The following RBPMS variants were observed in gnomAD, a reference collection of about 807,000 sequenced individuals.
RBPMS encodes RNA binding protein, mRNA processing factor, also known as RNA-binding protein with multiple splicing.
In RBPMS, 7 loss-of-function variants were observed where a neutral mutation model predicts 26.8. That is an observed-to-expected ratio of 0.26 (90% confidence interval 0.15 to 0.49). The LOEUF (loss-of-function observed/expected upper bound fraction) is 0.49, where lower values mean the gene tolerates loss of function less well. Among genes scored for constraint, RBPMS ranks in the 20% least tolerant of loss-of-function variants. RBPMS has a pLI of 0.98. For synonymous variants in RBPMS, 96 were observed against 93.3 expected (o/e 1.03, Z -0.17); for missense variants, 186 against 250.0 (o/e 0.74, Z 1.73).
At chr8:30,423,145 C>T (rs979418889) in intron 1 of RBPMS, among the ~76,000 whole-genome samples, 1 of 152,236 alleles carries the variant, frequency 6.6e-6, no homozygotes, top group Admixed American at 6.5e-5. Context: ...GGTTCTGAAT[C>T]GCCGTGGGCT....
In RBPMS at chr8:30,470,914, A is replaced by C. The variant is rs1367480546; in HGVS notation, c.67-3865A>C. On this transcript the variant is annotated intron_variant, in intron 1 of 8. Coordinates refer to ENST00000397323, the MANE Select transcript of RBPMS (RefSeq NM_001008710.3). ...TAAGATAAGAATCTCTTCGCTTTCC[A>C]TTATGGAATATTTACATAAGAAAGA... Among the ~76,000 whole-genome samples, 3 of 152,188 alleles carry C rather than the reference A, an allele frequency of 2.0e-5. No homozygotes were observed. The East Asian group carries it at 5.8e-4, about 29-fold the overall frequency.
chr8:30,481,291 G>C (rs1342042340), intron 4 of RBPMS, among the ~76,000 whole-genome samples: 1 of 151,872 alleles, frequency 6.6e-6, no homozygotes, highest in Non-Finnish European at 1.5e-5. Flanking sequence ...GTTTGTTTTT[G>C]TTTTTGTTTT....
intron 1 of RBPMS, among the ~76,000 whole-genome samples, chr8:30,457,583 CTTTTTTTTTTTTT>C (rs77253053): frequency 1.5e-5 from 2 of 132,858 alleles, no homozygotes; most frequent in East Asian, 2.3e-4. Context: ...GATTTACATT[CTTTTTTTTTTTTT>C]TTTTTTTTTT....
At chr8:30,504,162 A>G (rs1697413949) in intron 4 of RBPMS, 124 bp from the exon 5 acceptor site, 1 of 914,926 alleles carries the variant, frequency 1.1e-6, no homozygotes. Flanking sequence ...AGTAGTAAGA[A>G]TGAGAGTGGT....
At position 30,544,864 on chromosome 8, in the gene RBPMS, G is replaced by A; in HGVS notation, c.528+240G>A. 7 of 1,511,804 alleles carry A rather than the reference G, an allele frequency of 4.6e-6. No individual in the cohort carries two copies. In the South Asian group the frequency reaches 8.9e-5, roughly 19 times the overall value. 93.6% of individuals were successfully genotyped at this position (1,511,804 alleles called of 1,614,324 possible). A position where few individuals can be genotyped will look rare whatever the true frequency, so the allele number is the denominator to read the frequency against. Reference sequence around the variant, plus strand: ...AAATGACACCTCTCTCTTCCTTAATGATCTCACCTCATATCGCACATGAGA... The same window carrying A: ...AAATGACACCTCTCTCTTCCTTAATAATCTCACCTCATATCGCACATGAGA... On this transcript the variant is annotated intron_variant, in intron 6 of 8. Transcript: ENST00000397323.
At chr8:30,510,102 T>C (rs538762695) in intron 5 of RBPMS, among the ~76,000 whole-genome samples, 1 of 152,300 alleles carries the variant, frequency 6.6e-6, no homozygotes, top group East Asian at 1.9e-4. Flanking sequence ...ATACCTGGGC[T>C]CTCACAAAAC....
At chr8:30,389,582 C>G (rs957169753) in intron 1 of RBPMS, among the ~76,000 whole-genome samples, 11 of 151,984 alleles carry the variant, frequency 7.2e-5, no homozygotes, top group Non-Finnish European at 1.6e-4. Flanking sequence ...GATTTAGTAC[C>G]TTTATTTTTA....
intron 8 of RBPMS, among the ~76,000 whole-genome samples, chr8:30,570,159 C>CAAATCTAACTTGGGACA (rs569745752): frequency 3.9e-5 from 6 of 152,146 alleles, no homozygotes; most frequent in African/African-American, 1.4e-4. Flanking sequence ...CACATTTTCC[C>CAAATCTAACTTGGGACA]AAATCTAACT....
chr8:30,526,757 GGGAAGAA>G (rs1245126964), intron 5 of RBPMS, among the ~76,000 whole-genome samples: 3 of 152,192 alleles, frequency 2.0e-5, no homozygotes, highest in African/African-American at 4.8e-5. Context: ...CAATAAATTT[GGGAAGAA>G]GGAAGAAGGA....
At chr8:30,457,918 A>G (rs956087292) in intron 1 of RBPMS, among the ~76,000 whole-genome samples, 1 of 152,212 alleles carries the variant, frequency 6.6e-6, no homozygotes, top group Non-Finnish European at 1.5e-5. Context: ...CTGCTAGCAG[A>G]AAGTGTAACA....
At chr8:30,541,342 C>G (rs1452397865) in intron 5 of RBPMS, among the ~76,000 whole-genome samples, 1 of 152,184 alleles carries the variant, frequency 6.6e-6, no homozygotes. Flanking sequence ...TTGGAAGTTT[C>G]CAGTCCTTGT....
At chr8:30,446,838 TGTGTGCGCGCGCGCGCGC>T (rs1308440470) in intron 1 of RBPMS, 3 of 92,942 alleles carry the variant, frequency 3.2e-5, no homozygotes, top group Admixed American at 2.5e-4. Context: ...TGTGTGTGTG[TGTGTGCGCGCGCGCGCGC>T]GCGGTGGAGG....
In RBPMS at chr8:30,475,379, C is replaced by A. The variant is rs535195166; in HGVS notation, c.144+523C>A. ...ATAGGAAATTAAACACCAAGCACTT[C>A]GTAGAAACTAAGCCAAAATAGCCTT... On this transcript the variant is annotated intron_variant, in intron 2 of 8. Transcript: ENST00000397323. 7.1e-4 allele frequency among the ~76,000 whole-genome samples: 108 copies of A among 152,308 alleles called. 1 individual carries two copies. Among genetic ancestry groups the A allele is most frequent in the African/African-American group, 2.5e-3 (103 of 41,574 alleles).
chr8:30,481,864 G>A lies in RBPMS; in HGVS notation c.246+2487G>A, dbSNP rs201059853. Among the ~76,000 whole-genome samples the A allele has an allele frequency of 2.6e-5, 4 of 152,306 alleles. No homozygotes were observed. In the East Asian group the frequency reaches 7.7e-4, roughly 29 times the overall value. ...GAAATCTTTCCGATGTTGTAGTTAGGGAAACAGACGTGGAGAGGATGGGTG... is the reference window on the plus strand; with the variant it reads ...GAAATCTTTCCGATGTTGTAGTTAGAGAAACAGACGTGGAGAGGATGGGTG... On this transcript the variant is annotated intron_variant, in intron 4 of 8. Coordinates refer to ENST00000397323, the MANE Select transcript of RBPMS (RefSeq NM_001008710.3).
intron 1 of RBPMS, among the ~76,000 whole-genome samples, chr8:30,452,606 C>T (rs1019008809): frequency 1.3e-5 from 2 of 152,144 alleles, no homozygotes; most frequent in Non-Finnish European, 2.9e-5. Flanking sequence ...TTGTGTGGTT[C>T]ATGTAATTCT....
chr8:30,442,810 A>C (rs1813260336), intron 1 of RBPMS: 1 of 151,788 alleles, frequency 6.6e-6, no homozygotes, highest in African/African-American at 2.4e-5. Context: ...GGTACCTGTG[A>C]GGGATCTCTT....
intron 5 of RBPMS, among the ~76,000 whole-genome samples, chr8:30,533,947 C>T (rs904094462): frequency 2.6e-5 from 4 of 152,052 alleles, no homozygotes; most frequent in African/African-American, 9.7e-5. Context: ...GCCTGGCCTA[C>T]ATGATTGAAA....
intron 1 of RBPMS, among the ~76,000 whole-genome samples, chr8:30,409,198 T>C (rs1207889879): frequency 2.0e-5 from 3 of 147,850 alleles, no homozygotes; most frequent in Admixed American, 1.4e-4. Context: ...CGTTTTCTCT[T>C]TTTTTTTTTT....
At chr8:30,475,132 T>C (rs956991254) in intron 2 of RBPMS, among the ~76,000 whole-genome samples, 1 of 152,194 alleles carries the variant, frequency 6.6e-6, no homozygotes, top group African/African-American at 2.4e-5. Flanking sequence ...TCTTTGGAAA[T>C]GTAAATAGGT....
Sources: allele counts gnomAD v4.1 joint callset (sites outside exome capture counted in the v4.1 genomes callset), GRCh38; gene constraint gnomAD v4.1.1; transcripts MANE v1.5; gene names NCBI Gene and HGNC (gene_info 2026-07-23, HGNC 2026-07-21).